Variants in MYO16 observed in about 807,000 individuals in gnomAD.
MYO16 encodes unconventional myosin-XVI.
Under a neutral mutation model 205.3 loss-of-function variants are expected in MYO16, and 94 were observed. The observed-to-expected ratio is 0.46, with a 90% CI of 0.39 to 0.54. The LOEUF (loss-of-function observed/expected upper bound fraction) is 0.54. Ranked by LOEUF, MYO16 falls within the 20% of genes least tolerant of loss-of-function variation. The pLI, the probability that MYO16 is intolerant of heterozygous loss-of-function variation, is 0.00. For synonymous variants in MYO16, 988 were observed against 954.0 expected, an observed-to-expected ratio of 1.04 and a Z score of -0.66; for missense variants, 2,315 against 2,387.5, an observed-to-expected ratio of 0.97 and a Z score of 0.63.
chr13:108,500,239 TTG>T, the MYO16 span, among the ~76,000 whole-genome samples: 18 of 8,596 alleles, frequency 2.1e-3, 6 homozygotes, highest in South Asian at 5.4e-3. Flanking sequence ...TTTGTTTTTT[TTG>T]TTTTTTTTTT....
At chr13:108,868,791 G>T (rs536665788) in intron 12 of MYO16, among the ~76,000 whole-genome samples, 1 of 151,064 alleles carries the variant, frequency 6.6e-6, no homozygotes, top group Non-Finnish European at 1.5e-5. Flanking sequence ...CATGGTGGCA[G>T]GTGACGTAAA....
At chr13:108,595,995 A>C (rs564779657), upstream of MYO16, among the ~76,000 whole-genome samples, 3 of 145,932 alleles carry the variant, frequency 2.1e-5, no homozygotes, top group East Asian at 6.2e-4. Context: ...CTGTGGGCTG[A>C]ATTTGGGGCT....
chr13:108,995,342 A>G (rs1383445218), intron 21 of MYO16, among the ~76,000 whole-genome samples: 1 of 152,192 alleles, frequency 6.6e-6, no homozygotes, highest in Non-Finnish European at 1.5e-5. Flanking sequence ...ATCGCCTCCC[A>G]AAGGCCCCAC....
intron 27 of MYO16, among the ~76,000 whole-genome samples, chr13:109,061,457 C>T (rs1367662): frequency 0.18 from 26,725 of 151,978 alleles, 2,381 homozygotes; most frequent in East Asian, 0.27. Flanking sequence ...GTAAAAACTT[C>T]GTGACCATTG....
chr13:108,749,137 A>C (rs1398892075), intron 4 of MYO16, among the ~76,000 whole-genome samples: 2 of 151,762 alleles, frequency 1.3e-5, no homozygotes, highest in South Asian at 4.1e-4. Flanking sequence ...TAACATATGC[A>C]TTACCTCACA....
At chr13:108,703,207 T>C (rs1926510) in intron 2 of MYO16, among the ~76,000 whole-genome samples, 2 of 151,904 alleles carry the variant, frequency 1.3e-5, no homozygotes, top group South Asian at 2.1e-4. Context: ...GACACAAATT[T>C]GTTGAAAGTC....
At chr13:109,005,954 A>G (rs1345418477) in intron 21 of MYO16, among the ~76,000 whole-genome samples, 1 of 152,140 alleles carries the variant, frequency 6.6e-6, no homozygotes, top group Non-Finnish European at 1.5e-5. Flanking sequence ...TCAAGTCATT[A>G]CTAGCCACAC....
At chr13:108,853,372 T>C (rs1877990448) in intron 10 of MYO16, among the ~76,000 whole-genome samples, 1 of 152,242 alleles carries the variant, frequency 6.6e-6, no homozygotes, top group East Asian at 1.9e-4. Flanking sequence ...TAGATAATTC[T>C]GACAGCATCA....
At chr13:108,927,668 C>T (rs1035691842) in intron 16 of MYO16, among the ~76,000 whole-genome samples, 12 of 152,222 alleles carry the variant, frequency 7.9e-5, no homozygotes, top group African/African-American at 2.4e-4. Context: ...TGCTCTGCAG[C>T]GTGTGAAAAT....
chr13:108,729,690 C>T (rs1884459939), intron 4 of MYO16, among the ~76,000 whole-genome samples: 1 of 152,158 alleles, frequency 6.6e-6, no homozygotes, highest in African/African-American at 2.4e-5. Context: ...ATCCTGCTTC[C>T]ATTTCCTCAA....
chr13:108,531,057 TG>T, the MYO16 span, among the ~76,000 whole-genome samples: 1 of 152,350 alleles, frequency 6.6e-6, no homozygotes, highest in East Asian at 1.9e-4. Flanking sequence ...TCAGCCTTGC[TG>T]GTAGAGAGAA....
At chr13:108,844,288 G>T (rs17393735) in intron 9 of MYO16, 55 bp from the exon 10 acceptor site, 8 of 1,468,456 alleles carry the variant, frequency 5.4e-6, no homozygotes, top group South Asian at 1.4e-5. Context: ...GGTAATTTTC[G>T]ATTGATAAAA....
intron 12 of MYO16, among the ~76,000 whole-genome samples, chr13:108,874,789 T>C (rs1471530323): frequency 6.6e-6 from 1 of 151,734 alleles, no homozygotes; most frequent in African/African-American, 2.4e-5. Flanking sequence ...ATGTCACCTA[T>C]ACATAGGTAT....
At chr13:108,693,556 T>C (rs1036959302) in intron 2 of MYO16, among the ~76,000 whole-genome samples, 1 of 152,224 alleles carries the variant, frequency 6.6e-6, no homozygotes, top group Non-Finnish European at 1.5e-5. Flanking sequence ...GGAGCCTGCA[T>C]TGGTACTTCA....
intron 7 of MYO16, among the ~76,000 whole-genome samples, chr13:108,815,342 C>T (rs1875513295): frequency 6.6e-6 from 1 of 152,178 alleles, no homozygotes; most frequent in African/African-American, 2.4e-5. Flanking sequence ...TAAGGATCAT[C>T]AGCTGGAAAG....
intron 34 of MYO16, among the ~76,000 whole-genome samples, chr13:109,204,836 T>G (rs1880534380): frequency 6.6e-6 from 1 of 152,196 alleles, no homozygotes; most frequent in African/African-American, 2.4e-5. Flanking sequence ...TACAGGGCTC[T>G]TAAGAGCTGA....
At chr13:108,903,329 C>T (rs1880799543) in intron 15 of MYO16, among the ~76,000 whole-genome samples, 1 of 152,056 alleles carries the variant, frequency 6.6e-6, no homozygotes, top group African/African-American at 2.4e-5. Context: ...TAAATTTTAT[C>T]ATAGATGTGT....
At chr13:109,188,046 A>T (rs1879759972) in intron 34 of MYO16, among the ~76,000 whole-genome samples, 1 of 152,202 alleles carries the variant, frequency 6.6e-6, no homozygotes, top group African/African-American at 2.4e-5. Context: ...AAAGACTTTT[A>T]AAATTATTGC....
intron 12 of MYO16, among the ~76,000 whole-genome samples, chr13:108,876,677 T>C (rs1358528477): frequency 6.6e-6 from 1 of 151,816 alleles, no homozygotes; most frequent in Admixed American, 6.6e-5. Flanking sequence ...CTCTTTTTTT[T>C]TTTTTTTGAG....
Sources: allele counts gnomAD v4.1 joint callset (sites outside exome capture counted in the v4.1 genomes callset), GRCh38; gene constraint gnomAD v4.1.1; transcripts MANE v1.5; gene names NCBI Gene and HGNC (gene_info 2026-07-23, HGNC 2026-07-21).